The following PHACTR1 variants were observed in gnomAD, a reference collection of about 807,000 sequenced individuals.
PHACTR1 encodes phosphatase and actin regulator 1, also known as RPEL repeat containing 1.
Under a neutral mutation model 69.2 loss-of-function variants are expected in PHACTR1, and 16 were observed. The observed-to-expected ratio is 0.23, with a 90% confidence interval of 0.16 to 0.35. The LOEUF (loss-of-function observed/expected upper bound fraction) is 0.35, where lower values mean the gene tolerates loss of function less well. Ranked by LOEUF, PHACTR1 falls within the 10% of genes least tolerant of loss-of-function variation. PHACTR1 has a pLI of 1.00. For synonymous variants in PHACTR1, 312 were observed against 284.5 expected (o/e 1.10, Z -0.97); for missense variants, 510 against 734.7 (o/e 0.69, Z 3.54).
At chr6:12,951,355 T>C (rs1791271455) in intron 4 of PHACTR1, among the ~76,000 whole-genome samples, 1 of 152,196 alleles carries the variant, frequency 6.6e-6, no homozygotes, top group Non-Finnish European at 1.5e-5. Context: ...CGTGGTGAGC[T>C]TAATATGGCC....
Position 13,246,833 on chromosome 6 carries a change from C to A in PHACTR1, c.1391+16640C>A, listed in dbSNP as rs963732999. ...ATCTTTGTTTACTGGCAAAACACCT[C>A]GAATCTCATGCAAAATGCTAATAGG... On this transcript the variant is annotated intron_variant, in intron 10 of 14. Transcript: ENST00000332995. This position sits in a 1 kb window ranked among gnomAD's most constrained non-coding sequence, Gnocchi z 4.2. Among the ~76,000 whole-genome samples, 3 of 152,164 alleles carry A rather than the reference C, an allele frequency of 2.0e-5. No homozygotes were observed. Among genetic ancestry groups the A allele is most frequent in the Non-Finnish European group, 2.9e-5 (2 of 68,032 alleles).
chr6:12,857,201 A>G (rs1461362848), intron 4 of PHACTR1, among the ~76,000 whole-genome samples: 1 of 152,210 alleles, frequency 6.6e-6, no homozygotes, highest in East Asian at 1.9e-4. Flanking sequence ...CCTGCGGGCC[A>G]CAGTGCAATG....
chr6:13,116,440 G>A (rs1351625133), intron 5 of PHACTR1, among the ~76,000 whole-genome samples: 2 of 152,200 alleles, frequency 1.3e-5, no homozygotes, highest in Admixed American at 6.5e-5. Context: ...GCCAACATTT[G>A]TTGAGCACTT....
intron 10 of PHACTR1, among the ~76,000 whole-genome samples, chr6:13,244,673 C>T (rs202056): frequency 0.059 from 9,007 of 152,280 alleles, 601 homozygotes; most frequent in Admixed American, 0.21. Context: ...CCCGGCTCAC[C>T]GGCAGTCAGA....
At chr6:13,047,048 C>T (rs907411037) in intron 4 of PHACTR1, among the ~76,000 whole-genome samples, 1 of 152,096 alleles carries the variant, frequency 6.6e-6, no homozygotes, top group Non-Finnish European at 1.5e-5. Flanking sequence ...TTCTGAATGG[C>T]TGGGCACCTG....
intron 4 of PHACTR1, among the ~76,000 whole-genome samples, chr6:12,848,844 G>A (rs543579240): frequency 6.6e-6 from 1 of 151,906 alleles, no homozygotes; most frequent in African/African-American, 2.4e-5. Context: ...TTAAGAAAGG[G>A]TTGTAAATTC....
At chr6:13,218,263 T>C (rs1767977953) in intron 8 of PHACTR1, among the ~76,000 whole-genome samples, 1 of 152,140 alleles carries the variant, frequency 6.6e-6, no homozygotes, top group Non-Finnish European at 1.5e-5. Flanking sequence ...GTTTCAAAGG[T>C]GTTTGCCGGC....
At position 12,912,955 on chromosome 6, in the gene PHACTR1, AAAAC is replaced by A. The variant is rs1322789572; in HGVS notation, c.251-140398_251-140395del. 2.0e-5 allele frequency among the ~76,000 whole-genome samples: 3 copies of A among 152,204 alleles called. No individual in the cohort carries two copies. In the East Asian group the frequency reaches 5.8e-4, roughly 29 times the overall value. The stretch of plus-strand genomic sequence containing the variant: ...GGCAACTGGAATGAGACCCTGTCTC[AAAAC>A]AAACAAACAAAAACCTGGCTTTTAA... On this transcript the variant is annotated intron_variant, in intron 4 of 14. Transcript: ENST00000332995.
In PHACTR1 at chr6:13,020,257, A is replaced by C. The variant is rs540380335; in HGVS notation, c.251-33108A>C. On this transcript the variant is annotated intron_variant, in intron 4 of 14. Transcript: ENST00000332995. ...AAATCAGCCAGAAGGTTAGCAGTAG[A>C]CCATTCAAGAGAAGTTATATGATGA... Among the ~76,000 whole-genome samples the C allele has an allele frequency of 3.9e-5, 6 of 152,382 alleles. No homozygotes were observed. In the South Asian group the frequency reaches 1.2e-3, roughly 32 times the overall value.
At chr6:12,889,213 A>G (rs925191064) in intron 4 of PHACTR1, among the ~76,000 whole-genome samples, 23 of 152,326 alleles carry the variant, frequency 1.5e-4, no homozygotes, top group African/African-American at 5.5e-4. Flanking sequence ...CAAAGCTGCA[A>G]TTAGCTGTGT....
intron 5 of PHACTR1, among the ~76,000 whole-genome samples, chr6:13,059,495 A>AC (rs1561767930): frequency 8.0e-4 from 116 of 144,552 alleles, no homozygotes; most frequent in African/African-American, 2.9e-3. Flanking sequence ...CACACACACA[A>AC]AACCCACAGA....
chr6:13,224,137 C>G (rs995136093), intron 8 of PHACTR1, among the ~76,000 whole-genome samples: 6 of 152,200 alleles, frequency 3.9e-5, no homozygotes, highest in South Asian at 2.1e-4. Flanking sequence ...AGGCACGATA[C>G]TAGGCACTAA....
intron 4 of PHACTR1, among the ~76,000 whole-genome samples, chr6:12,871,120 A>G (rs1470502359): frequency 1.3e-5 from 2 of 151,878 alleles, no homozygotes; most frequent in East Asian, 3.9e-4. Flanking sequence ...AGCAACTAAG[A>G]AAGTTGAAAA....
At chr6:13,278,911 C>T (rs1213936486) in intron 12 of PHACTR1, among the ~76,000 whole-genome samples, 5 of 149,046 alleles carry the variant, frequency 3.4e-5, no homozygotes, top group African/African-American at 7.5e-5. Flanking sequence ...TGCAGTGAGC[C>T]GAGATCGCGC....
At chr6:12,785,874 G>A (rs1771480988) in intron 4 of PHACTR1, among the ~76,000 whole-genome samples, 1 of 151,940 alleles carries the variant, frequency 6.6e-6, no homozygotes, top group African/African-American at 2.4e-5. Flanking sequence ...AGTGGAGTGT[G>A]TCCACTGAAT....
intron 4 of PHACTR1, among the ~76,000 whole-genome samples, chr6:13,051,634 G>A (rs538757725): frequency 1.2e-3 from 187 of 152,266 alleles, no homozygotes; most frequent in Non-Finnish European, 9.3e-4. Flanking sequence ...CCCTTGCCAG[G>A]AGAACAGCCC....
rs368614163 is a variant in PHACTR1 at position 12,798,983 on chromosome 6, G to A, written c.250+49193G>A. Among the ~76,000 whole-genome samples the A allele has an allele frequency of 1.1e-4, 17 of 152,284 alleles. No homozygotes were observed. In the East Asian group the frequency reaches 1.9e-3, roughly 17 times the overall value. ...ATATTAAGATTCTTTCTTCTCTGAA[G>A]TTGTTCTCTTTTCTTTCCTTTGTGA... On this transcript the variant is annotated intron_variant, in intron 4 of 14. Coordinates refer to ENST00000332995, the MANE Select transcript of PHACTR1 (RefSeq NM_030948.6).
intron 10 of PHACTR1, among the ~76,000 whole-genome samples, chr6:13,240,870 C>T (rs1772741845): frequency 6.6e-6 from 1 of 152,210 alleles, no homozygotes. Context: ...AGTGTTTCCC[C>T]ATCAGCACCT....
intron 4 of PHACTR1, among the ~76,000 whole-genome samples, chr6:12,819,936 A>G (rs1776014374): frequency 6.6e-6 from 1 of 152,198 alleles, no homozygotes; most frequent in African/African-American, 2.4e-5. Context: ...AGTCACACCA[A>G]GCATGTATTA....
Sources: allele counts gnomAD v4.1 joint callset (sites outside exome capture counted in the v4.1 genomes callset), GRCh38; gene constraint gnomAD v4.1.1; non-coding constraint Gnocchi (gnomAD v3.1); transcripts MANE v1.5; gene names NCBI Gene and HGNC (gene_info 2026-07-23, HGNC 2026-07-21).